Variants in HS6ST3 observed in about 807,000 individuals in gnomAD.
HS6ST3 encodes the protein heparan sulfate 6-O-sulfotransferase 3, also known as heparan-sulfate 6-O-sulfotransferase 3.
A neutral mutation model predicts 36.7 loss-of-function variants in HS6ST3; 12 were observed. That is an observed-to-expected ratio of 0.33 (90% CI 0.21 to 0.53). The LOEUF (loss-of-function observed/expected upper bound fraction) is 0.53. HS6ST3 is among the 20% of genes least tolerant of loss of function. The pLI, the probability that HS6ST3 is intolerant of heterozygous loss-of-function variation, is 0.95. For missense variants in HS6ST3, 584 were observed against 640.9 expected (o/e 0.91, Z 0.96); for synonymous variants, 240 against 257.5 (o/e 0.93, Z 0.65).
At chr13:96,689,602 C>CTTTCT (rs1555318779) in intron 1 of HS6ST3, among the ~76,000 whole-genome samples, 32 of 27,196 alleles carry the variant, frequency 1.2e-3, no homozygotes, top group Admixed American at 1.1e-3. Context: ...TGCTTTCTTT[C>CTTTCT]TTTCTTTTTT....
At chr13:96,245,618 A>G (rs1415900997) in intron 1 of HS6ST3, among the ~76,000 whole-genome samples, 2 of 152,140 alleles carry the variant, frequency 1.3e-5, no homozygotes, top group Non-Finnish European at 2.9e-5. Flanking sequence ...TAAGGTCTGC[A>G]GGGTCCAGAC....
At chr13:96,827,594 T>A (rs141444642) in intron 1 of HS6ST3, among the ~76,000 whole-genome samples, 621 of 152,316 alleles carry the variant, frequency 4.1e-3, no homozygotes, top group Non-Finnish European at 7.9e-3. Flanking sequence ...AATAAATATA[T>A]TCCACTAGGA....
intron 1 of HS6ST3, among the ~76,000 whole-genome samples, chr13:96,103,507 C>T (rs1432084673): frequency 6.6e-6 from 1 of 151,976 alleles, no homozygotes; most frequent in Admixed American, 6.6e-5. Context: ...ATGAAGCAAG[C>T]GTAAATAAAT....
Position 96,330,223 on chromosome 13 carries a change from T to A in HS6ST3, c.707+238654T>A, listed in dbSNP as rs2055057987. Among the ~76,000 whole-genome samples, 4 of 151,036 alleles carry A rather than the reference T, an allele frequency of 2.6e-5. No homozygotes were observed. The South Asian group carries it at 8.5e-4, about 32-fold the overall frequency. ...GTTATGTGTGAATTTGATCCTGTCA[T>A]TATGATGTTAGCTGGTGATTTTGCT... On this transcript the variant is annotated intron_variant, in intron 1 of 1. Transcript: ENST00000376705.
intron 1 of HS6ST3, among the ~76,000 whole-genome samples, chr13:96,652,503 A>T (rs1323401314): frequency 6.6e-6 from 1 of 151,808 alleles, no homozygotes; most frequent in Non-Finnish European, 1.5e-5. Context: ...TTAACAAATG[A>T]CTGTGCTTTA....
intron 1 of HS6ST3, among the ~76,000 whole-genome samples, chr13:96,214,402 A>G (rs983365571): frequency 3.9e-5 from 6 of 152,250 alleles, no homozygotes; most frequent in African/African-American, 9.6e-5. Context: ...TAGCCCTGCC[A>G]TGGTGGTCTG....
Position 96,170,874 on chromosome 13 carries a change from C to G in HS6ST3, c.707+79305C>G, listed in dbSNP as rs1255562895. ...TGGTGGAGGAAACTGTATTGAATTT[C>G]TGGAAGTAGGAATGCCAGATCAAGG... On this transcript the variant is annotated intron_variant, in intron 1 of 1. Coordinates refer to ENST00000376705, the MANE Select transcript of HS6ST3 (RefSeq NM_153456.4). 2.0e-5 allele frequency among the ~76,000 whole-genome samples: 3 copies of G among 152,224 alleles called. No individual in the cohort carries two copies. The East Asian group carries it at 5.8e-4, about 29-fold the overall frequency.
intron 1 of HS6ST3, among the ~76,000 whole-genome samples, chr13:96,595,587 G>A (rs2056398542): frequency 6.6e-6 from 1 of 151,572 alleles, no homozygotes. Context: ...TTCTAGGTTT[G>A]GAAAGTCTTC....
At chr13:96,284,503 C>A (rs527584560) in intron 1 of HS6ST3, among the ~76,000 whole-genome samples, 89 of 152,246 alleles carry the variant, frequency 5.8e-4, no homozygotes, top group Non-Finnish European at 1.0e-3. Context: ...CTAGTCTTTC[C>A]ATGTTCTTCT....
At chr13:96,560,670 A>G (rs1004917165) in intron 1 of HS6ST3, among the ~76,000 whole-genome samples, 4 of 152,228 alleles carry the variant, frequency 2.6e-5, no homozygotes, top group African/African-American at 9.6e-5. Context: ...AAACAATTTC[A>G]GTAAAGTTTC....
chr13:96,799,948 A>ATATATATATG (rs1878006436), intron 1 of HS6ST3, among the ~76,000 whole-genome samples: 1 of 101,248 alleles, frequency 9.9e-6, no homozygotes, highest in African/African-American at 4.7e-5. Context: ...GTGTGTGTAT[A>ATATATATATG]TATATATATA....
intron 1 of HS6ST3, among the ~76,000 whole-genome samples, chr13:96,763,182 T>G (rs1359628841): frequency 6.6e-6 from 1 of 151,900 alleles, no homozygotes; most frequent in Non-Finnish European, 1.5e-5. Flanking sequence ...TCAGGCCAGT[T>G]AATTTTACAA....
intron 1 of HS6ST3, among the ~76,000 whole-genome samples, chr13:96,729,143 G>T (rs557075871): frequency 1.3e-5 from 2 of 152,104 alleles, no homozygotes; most frequent in African/African-American, 2.4e-5. Context: ...AGTTGCAATG[G>T]GCAATAACGG....
chr13:96,470,057 C>T (rs2055833217), intron 1 of HS6ST3, among the ~76,000 whole-genome samples: 1 of 152,042 alleles, frequency 6.6e-6, no homozygotes, highest in African/African-American at 2.4e-5. Flanking sequence ...ATTGAGTACC[C>T]TTGGAAAATG....
intron 1 of HS6ST3, among the ~76,000 whole-genome samples, chr13:96,139,145 C>A (rs558468837): frequency 2.0e-4 from 30 of 151,932 alleles, no homozygotes; most frequent in African/African-American, 7.0e-4. Flanking sequence ...ATTCTCTAAG[C>A]GAAAGGAAAA....
At chr13:96,212,322 C>T (rs763038257) in intron 1 of HS6ST3, among the ~76,000 whole-genome samples, 2 of 152,114 alleles carry the variant, frequency 1.3e-5, no homozygotes, top group Non-Finnish European at 2.9e-5. Flanking sequence ...CCATGAAAGC[C>T]TATTTTCATT....
intron 1 of HS6ST3, among the ~76,000 whole-genome samples, chr13:96,711,225 C>T (rs1356622434): frequency 6.6e-6 from 1 of 152,160 alleles, no homozygotes; most frequent in Non-Finnish European, 1.5e-5. Flanking sequence ...CAGCCTATAA[C>T]CTCTGACCTG....
intron 1 of HS6ST3, among the ~76,000 whole-genome samples, chr13:96,419,791 G>A (rs1037368000): frequency 3.9e-5 from 6 of 152,006 alleles, no homozygotes; most frequent in Admixed American, 1.3e-4. Context: ...CCTCCATCAC[G>A]CATAGTCGTC....
intron 1 of HS6ST3, among the ~76,000 whole-genome samples, chr13:96,319,619 T>C (rs2054993994): frequency 6.6e-6 from 1 of 152,216 alleles, no homozygotes; most frequent in Non-Finnish European, 1.5e-5. Flanking sequence ...CAGCAGTGTG[T>C]GAGAGTTCCA....
Sources: allele counts gnomAD v4.1 joint callset (sites outside exome capture counted in the v4.1 genomes callset), GRCh38; gene constraint gnomAD v4.1.1; transcripts MANE v1.5; gene names NCBI Gene and HGNC (gene_info 2026-07-23, HGNC 2026-07-21).